The following SLC15A2 variants were observed in gnomAD, a reference collection of about 807,000 sequenced individuals.
The protein encoded by SLC15A2 is kidney H(+)/peptide cotransporter.
A neutral mutation model predicts 95.5 loss-of-function variants in SLC15A2; 77 were observed. The observed-to-expected ratio is 0.81, with a 90% CI of 0.67 to 0.97. SLC15A2 has a LOEUF of 0.97. SLC15A2 is among the 50% of genes least tolerant of loss of function. The pLI is 0.00. For missense variants in SLC15A2, 893 were observed against 874.4 expected, an observed-to-expected ratio of 1.02 and a Z score of -0.27; for synonymous variants, 306 against 306.9, an observed-to-expected ratio of 1.00 and a Z score of 0.03.
At chr3:121,912,493 C>T (rs1019338534) in intron 4 of SLC15A2, among the ~76,000 whole-genome samples, 1 of 152,186 alleles carries the variant, frequency 6.6e-6, no homozygotes, top group African/African-American at 2.4e-5. Flanking sequence ...CTCAGCTTCC[C>T]AAAGTGCTGG....
chr3:121,895,117 G>A (rs1309268317), intron 1 of SLC15A2, among the ~76,000 whole-genome samples: 3 of 152,174 alleles, frequency 2.0e-5, no homozygotes, highest in Non-Finnish European at 4.4e-5. Flanking sequence ...CATCATCTCA[G>A]TCAATTCTTA....
intron 3 of SLC15A2, among the ~76,000 whole-genome samples, chr3:121,907,089 T>C (rs1333708586): frequency 1.3e-5 from 2 of 152,228 alleles, no homozygotes; most frequent in African/African-American, 4.8e-5. Flanking sequence ...TCTTGCTTAT[T>C]TCATTTATTT....
chr3:121,898,922 C>G (rs1709471877), intron 3 of SLC15A2, among the ~76,000 whole-genome samples: 2 of 152,108 alleles, frequency 1.3e-5, no homozygotes, highest in South Asian at 4.1e-4. Context: ...CAGTACTGAA[C>G]AGTTTCTTGA....
At chr3:121,925,773 TATATATATAAAA>T (rs1388499909) in intron 13 of SLC15A2, among the ~76,000 whole-genome samples, 36 of 52,580 alleles carry the variant, frequency 6.8e-4, no homozygotes, top group African/African-American at 2.9e-3. Context: ...TATATATATA[TATATATATAAAA>T]TACAACTACT....
Position 121,915,616 on chromosome 3 carries a change from GA to G in SLC15A2, c.621del (p.Asp208MetfsTer22), listed in dbSNP as rs762155259. On this transcript the variant is annotated frameshift_variant and splice_region_variant, in exon 7 of 22. Coordinates refer to ENST00000489711, the MANE Select transcript of SLC15A2 (RefSeq NM_021082.4). LOFTEE classifies it high-confidence loss of function. The stretch of plus-strand genomic sequence containing the variant: ...CCTCCTCCCATCCCATTTTCTTTAG[GA>G]GATGTGCAATGTTTTGGAGAAGACT... ...ISTFITPMLR[G>X]DVQCFGEDCY... is the part of the protein sequence containing the mutation. 1.2e-6 allele frequency: 2 copies of G among 1,612,200 alleles called. No homozygotes were observed. Among genetic ancestry groups the G allele is most frequent in the Non-Finnish European group, 1.7e-6 (2 of 1,178,268 alleles).
chr3:121,925,936 C>T (rs1920317), intron 13 of SLC15A2, among the ~76,000 whole-genome samples: 67,033 of 150,410 alleles, frequency 0.45, 15,473 homozygotes, highest in East Asian at 0.69. Context: ...TGGCATATGG[C>T]ATTTGTTCAA....
intron 3 of SLC15A2, among the ~76,000 whole-genome samples, chr3:121,897,787 A>G (rs1023092679): frequency 2.0e-5 from 3 of 152,208 alleles, no homozygotes; most frequent in African/African-American, 7.2e-5. Context: ...CCTTAAAACT[A>G]ATTTTAACCT....
rs955118062 is a variant in SLC15A2, at chr3:121,942,422, C to T, written c.*1415C>T. On this transcript the variant is annotated 3_prime_UTR_variant, in exon 22 of 22. Transcript: ENST00000489711. The stretch of plus-strand genomic sequence containing the variant: ...ATTCTCATGTAGAACAGTGTTGGGT[C>T]TCATACTGTTAATGTTAATACGTAA... The T allele has an allele frequency of 3.4e-4, 51 of 152,148 alleles. 2 individuals carry two copies. The highest frequency in any genetic ancestry group is 1.5e-5 in the Non-Finnish European group (1 of 68,022). 9.4% of individuals were successfully genotyped at this position (152,148 alleles called of 1,614,324 possible).
At chr3:121,924,419 G>T in intron 12 of SLC15A2, 36 bp downstream of exon 12, 1 of 1,591,764 alleles carries the variant, frequency 6.3e-7, no homozygotes, top group Non-Finnish European at 8.6e-7. Context: ...GGACTTATTT[G>T]TTTCCTTATC....
intron 18 of SLC15A2, among the ~76,000 whole-genome samples, chr3:121,931,378 T>C (rs529635139): frequency 6.6e-6 from 1 of 152,358 alleles, no homozygotes; most frequent in South Asian, 2.1e-4. Context: ...GTACTTAAGT[T>C]AACAAAAGAA....
chr3:121,933,103 A>G (rs1181259884), intron 19 of SLC15A2, among the ~76,000 whole-genome samples: 3 of 146,624 alleles, frequency 2.0e-5, no homozygotes, highest in Non-Finnish European at 4.5e-5. Flanking sequence ...ATCATTTTTT[A>G]TGGCTGCATA....
chr3:121,937,537 T>C (rs1301127396), intron 19 of SLC15A2, among the ~76,000 whole-genome samples: 3 of 151,288 alleles, frequency 2.0e-5, no homozygotes, highest in East Asian at 3.9e-4. Context: ...GCTGATACCC[T>C]TTCTTCCAGT....
At chr3:121,935,284 G>T (rs1453131726) in intron 19 of SLC15A2, among the ~76,000 whole-genome samples, 1 of 152,186 alleles carries the variant, frequency 6.6e-6, no homozygotes, top group Non-Finnish European at 1.5e-5. Flanking sequence ...CTCATAAAAT[G>T]AGTTAGGGAG....
At chr3:121,933,015 G>A (rs1335156134) in intron 19 of SLC15A2, among the ~76,000 whole-genome samples, 3 of 150,566 alleles carry the variant, frequency 2.0e-5, no homozygotes, top group Admixed American at 6.6e-5. Context: ...TGCGGTGTTT[G>A]GTTTTTTGTT....
chr3:121,928,751 T>C (rs2107603127), intron 15 of SLC15A2, among the ~76,000 whole-genome samples, 196 bp downstream of exon 15: 1 of 152,344 alleles, frequency 6.6e-6, no homozygotes, highest in East Asian at 1.9e-4. Context: ...GGTATTCCGT[T>C]TTTATTATTA....
At chr3:121,934,949 A>G (rs1710309021) in intron 19 of SLC15A2, among the ~76,000 whole-genome samples, 1 of 148,976 alleles carries the variant, frequency 6.7e-6, no homozygotes, top group Non-Finnish European at 1.5e-5. Flanking sequence ...TCAATACCTA[A>G]TTTATTGAGA....
intron 4 of SLC15A2, 83 bp downstream of exon 4, chr3:121,911,749 C>A: frequency 2.2e-6 from 2 of 923,450 alleles, no homozygotes; most frequent in Non-Finnish European, 3.5e-6. Context: ...CCAGAGATGT[C>A]TCTTTATTTT....
In SLC15A2 at chr3:121,894,551, A is replaced by T; in HGVS notation, c.75A>T (p.Arg25=). Residue 25 remains arginine, a synonymous_variant, in exon 1 of 22, where the codon CGA becomes CGT. Coordinates refer to ENST00000489711, the MANE Select transcript of SLC15A2 (RefSeq NM_021082.4). The part of the protein sequence containing the change: ...SPVSIEEVPP[R]PPSPPKKPSP... The stretch of plus-strand genomic sequence containing the variant: ...TCTCCATTGAAGAGGTACCACCTCG[A>T]CCACCTAGCCCTCCAAAGAAGCCAT... The T allele has an allele frequency of 1.2e-6, 2 of 1,614,000 alleles. No homozygotes were observed. The highest frequency in any genetic ancestry group is 1.7e-6 in the Non-Finnish European group (2 of 1,179,932).
intron 3 of SLC15A2, among the ~76,000 whole-genome samples, chr3:121,907,962 C>T (rs957317287): frequency 5.3e-5 from 8 of 152,246 alleles, no homozygotes; most frequent in Admixed American, 1.3e-4. Context: ...CCTTTTGTTC[C>T]GCTATGCCCT....
Sources: allele counts gnomAD v4.1 joint callset (sites outside exome capture counted in the v4.1 genomes callset), GRCh38; gene constraint gnomAD v4.1.1; transcripts MANE v1.5; gene names NCBI Gene and HGNC (gene_info 2026-07-23, HGNC 2026-07-21).